Variants in PMFBP1 observed in about 807,000 individuals in gnomAD.
The protein encoded by PMFBP1 is polyamine modulated factor 1 binding protein 1.
A neutral mutation model predicts 137.8 loss-of-function variants in PMFBP1; 131 were observed. The ratio of observed to expected loss-of-function variants is 0.95; its 90% CI spans 0.82 to 1.10. PMFBP1 has a LOEUF of 1.10. Among genes scored for constraint, PMFBP1 ranks in the 50% least tolerant of loss-of-function variants. The pLI is 0.00. For synonymous variants in PMFBP1, 490 were observed against 450.4 expected (o/e 1.09, Z -1.11); for missense variants, 1,199 against 1,175.4 (o/e 1.02, Z -0.29).
chr16:72,217,622 C>A, the PMFBP1 span, among the ~76,000 whole-genome samples: 1 of 152,122 alleles, frequency 6.6e-6, no homozygotes, highest in African/African-American at 2.4e-5. Context: ...GAAGCCAAGG[C>A]GGGTGGATCA....
chr16:72,142,885 T>C (rs2042744545), intron 5 of PMFBP1, among the ~76,000 whole-genome samples: 1 of 152,122 alleles, frequency 6.6e-6, no homozygotes, highest in African/African-American at 2.4e-5. Context: ...CAGACACCAA[T>C]ATGCAAGGAA....
chr16:72,178,636 TTTTGTTGCTCAAATG>T (rs1567647034), upstream of PMFBP1, among the ~76,000 whole-genome samples: 2 of 152,240 alleles, frequency 1.3e-5, no homozygotes, highest in African/African-American at 4.8e-5. Flanking sequence ...CTGTTATTTA[TTTTGTTGCTCAAATG>T]TTCCAGCTTT....
chr16:72,213,018 G>C, the PMFBP1 span, among the ~76,000 whole-genome samples: 3 of 152,178 alleles, frequency 2.0e-5, no homozygotes, highest in African/African-American at 7.2e-5. Context: ...AAAAGACTTA[G>C]AACATTTATC....
chr16:72,172,871 C>G (rs1245924084), upstream of PMFBP1, among the ~76,000 whole-genome samples: 1 of 152,100 alleles, frequency 6.6e-6, no homozygotes, highest in Admixed American at 6.6e-5. Flanking sequence ...AAAAATGGCG[C>G]CAATAGACTT....
chr16:72,150,786 G>A lies in PMFBP1; in HGVS notation c.458C>T (p.Thr153Ile), dbSNP rs533299043. Reference sequence around the variant, plus strand: ...CTGCGCCAAATGGAGCTTCTCCCCTGTGTTCTCGTTGTGATTTCCCATTTC... The same window carrying A: ...CTGCGCCAAATGGAGCTTCTCCCCTATGTTCTCGTTGTGATTTCCCATTTC... ...EEEMGNHNEN[T>I]GEKLHLAQEQ... The change falls in exon 5 of 21, where the codon ACA (threonine) becomes ATA (isoleucine). Residue 153 changes from threonine (T) to isoleucine (I), a missense_variant. Physicochemically the swap from Thr to Ile is moderately conservative, Grantham distance 89 (BLOSUM62 -1). Transcript: ENST00000237353. 139 of 1,614,160 alleles carry A rather than the reference G, an allele frequency of 8.6e-5. 1 individual carries two copies. In the South Asian group the frequency reaches 1.5e-3, roughly 17 times the overall value.
At chr16:72,130,185 G>T (rs778205381) in intron 12 of PMFBP1, 28 bp downstream of exon 12, 4 of 1,608,020 alleles carry the variant, frequency 2.5e-6, no homozygotes, top group Non-Finnish European at 3.4e-6. Flanking sequence ...GCAAGCACTT[G>T]AATGGGCCAT....
intron 19 of PMFBP1, among the ~76,000 whole-genome samples, chr16:72,120,619 T>C (rs970864411): frequency 6.6e-6 from 1 of 152,180 alleles, no homozygotes; most frequent in Non-Finnish European, 1.5e-5. Flanking sequence ...TCATCCCCAT[T>C]TTACAGATTA....
chr16:72,136,964 A>C lies in PMFBP1; in HGVS notation c.919-145T>G, dbSNP rs201392515. On this transcript the variant is annotated intron_variant, in intron 7 of 20. Transcript: ENST00000237353. ...TGGGGGCCAGGGGATGGGTGTGCGGAGTGACTGCTAATGGGTACAGGGTTT... is the reference window on the plus strand; with the variant it reads ...TGGGGGCCAGGGGATGGGTGTGCGGCGTGACTGCTAATGGGTACAGGGTTT... 463 of 1,105,642 alleles carry C rather than the reference A, an allele frequency of 4.2e-4. 8 individuals carry two copies. The East Asian group carries it at 0.012, about 28-fold the overall frequency. 68.5% of individuals were successfully genotyped at this position (1,105,642 alleles called of 1,614,324 possible).
the PMFBP1 span, among the ~76,000 whole-genome samples, chr16:72,184,976 A>G: frequency 4.6e-5 from 7 of 151,972 alleles, no homozygotes; most frequent in Non-Finnish European, 1.0e-4. Flanking sequence ...TCTCAAGGTA[A>G]AGTGTTCCTT....
At chr16:72,153,089 C>T (rs2042926725) in intron 4 of PMFBP1, among the ~76,000 whole-genome samples, 1 of 152,192 alleles carries the variant, frequency 6.6e-6, no homozygotes, top group Admixed American at 6.5e-5. Context: ...AATCCCAACT[C>T]ATTCAGGGTC....
the PMFBP1 span, among the ~76,000 whole-genome samples, chr16:72,210,128 GT>G: frequency 6.6e-6 from 1 of 152,186 alleles, no homozygotes; most frequent in Non-Finnish European, 1.5e-5. Flanking sequence ...AGTGAATTCT[GT>G]TTCCTCCTGG....
chr16:72,161,579 A>G (rs2043063001), intron 3 of PMFBP1, among the ~76,000 whole-genome samples: 1 of 152,126 alleles, frequency 6.6e-6, no homozygotes, highest in East Asian at 1.9e-4. Context: ...AGTATTTTAG[A>G]ATAATTTTTG....
At chr16:72,157,477 A>G (rs7193021) in intron 3 of PMFBP1, among the ~76,000 whole-genome samples, 5,699 of 152,160 alleles carry the variant, frequency 0.037, 326 homozygotes, top group African/African-American at 0.13. Flanking sequence ...ATGGCCTTGG[A>G]GGTGGAAGCA....
intron 2 of PMFBP1, among the ~76,000 whole-genome samples, chr16:72,168,240 T>C (rs1256803157): frequency 2.0e-5 from 3 of 151,918 alleles, no homozygotes; most frequent in Non-Finnish European, 2.9e-5. Flanking sequence ...TATAAAGAGG[T>C]TTTGATGCAT....
rs553125880 is a variant in PMFBP1, at chr16:72,172,141, G to C, written c.-148C>G. On this transcript the variant is annotated 5_prime_UTR_variant, in exon 1 of 21. Transcript: ENST00000237353. ...CCCCTATCCCTAATATAAGCCAAGA[G>C]GAAGAAAGAATGTTGGTGATATGTG... is the stretch of plus-strand genomic sequence containing the variant. 14 of 152,150 alleles carry C rather than the reference G, an allele frequency of 9.2e-5. No individual in the cohort carries two copies. The highest frequency in any genetic ancestry group is 2.9e-4 in the African/African-American group (12 of 41,488). 9.4% of individuals were successfully genotyped at this position (152,150 alleles called of 1,614,324 possible). A position where few individuals can be genotyped will look rare whatever the true frequency, so the allele number is the denominator to read the frequency against.
rs966742149 is a variant in PMFBP1 at position 72,140,589 on chromosome 16, G to A, written c.637-7C>T. 1.0e-5 allele frequency: 16 copies of A among 1,606,876 alleles called. No homozygotes were observed. Among genetic ancestry groups the A allele is most frequent in the Non-Finnish European group, 1.3e-5 (15 of 1,175,192 alleles). ...CACCCTTGTTCTCAGGCTCCTGAGA[G>A]ATTTAAAAATAATGGGTTGATTTTG... is the stretch of plus-strand genomic sequence containing the variant. On this transcript the variant is annotated splice_region_variant and splice_polypyrimidine_tract_variant and intron_variant, in intron 5 of 20. Transcript: ENST00000237353.
rs1262023877 is a variant in PMFBP1 at position 72,130,210 on chromosome 16, T to C, written c.1782+3A>G. On this transcript the variant is annotated splice_donor_region_variant and intron_variant, in intron 12 of 20. Transcript: ENST00000237353. ...GAATGGGCCATCTGCCTGCCCGTCA[T>C]ACCTGGTGCTTGATACGATCAAGCA... 1 of 1,612,214 alleles carries C rather than the reference T, an allele frequency of 6.2e-7. No homozygotes were observed. Among genetic ancestry groups the C allele is most frequent in the South Asian group, 1.1e-5 (1 of 91,080 alleles).
downstream of PMFBP1, among the ~76,000 whole-genome samples, chr16:72,117,618 C>T (rs147232797): frequency 7.2e-5 from 11 of 152,262 alleles, no homozygotes; most frequent in Non-Finnish European, 1.5e-4. Context: ...AGTCTTTCAC[C>T]ATTGAGTATA....
Position 72,144,217 on chromosome 16 carries a change from A to T in PMFBP1, c.637-3635T>A, listed in dbSNP as rs1426037231. Among the ~76,000 whole-genome samples, 5 of 152,342 alleles carry T rather than the reference A, an allele frequency of 3.3e-5. No homozygotes were observed. In the East Asian group the frequency reaches 9.6e-4, roughly 29 times the overall value. ...TTGCATAAAAGTAAAAATATGTCAT[A>T]TTCCACAGGGCATGCTAATTTCCCC... On this transcript the variant is annotated intron_variant, in intron 5 of 20. Coordinates refer to ENST00000237353, the MANE Select transcript of PMFBP1 (RefSeq NM_031293.3).
Sources: gnomAD v4.1 joint callset for allele counts (sites outside exome capture counted in the v4.1 genomes callset) on GRCh38, gnomAD v4.1.1 for gene constraint, MANE v1.5 for transcripts, NCBI Gene and HGNC (gene_info 2026-07-23, HGNC 2026-07-21) for gene names.